The following COL11A1 variants were observed in gnomAD, a reference collection of about 807,000 sequenced individuals.
The protein encoded by COL11A1 is collagen alpha-1(XI) chain.
In COL11A1, 74 loss-of-function variants were observed where a neutral mutation model predicts 265.2. The ratio of observed to expected loss-of-function variants is 0.28; its 90% CI spans 0.23 to 0.34. The LOEUF is 0.34. COL11A1 is among the 10% of genes least tolerant of loss of function. COL11A1 has a pLI of 1.00. For missense variants in COL11A1, 2,165 were observed against 2,263.6 expected (o/e 0.96, Z 0.88); for synonymous variants, 816 against 727.6 (o/e 1.12, Z -1.96).
At chr1:103,061,772 C>A (rs1226721747) in intron 4 of COL11A1, among the ~76,000 whole-genome samples, 1 of 151,828 alleles carries the variant, frequency 6.6e-6, no homozygotes, top group African/African-American at 2.4e-5. Flanking sequence ...GTCTAAGCTT[C>A]TATCCTAAGA....
intron 4 of COL11A1, among the ~76,000 whole-genome samples, chr1:103,048,323 T>A (rs1331484807): frequency 6.6e-6 from 1 of 152,348 alleles, no homozygotes; most frequent in East Asian, 1.9e-4. Context: ...CTTCCTGGTT[T>A]ATTCTTGGGA....
At chr1:103,095,537 G>C (rs1384702593) in intron 1 of COL11A1, among the ~76,000 whole-genome samples, 1 of 151,930 alleles carries the variant, frequency 6.6e-6, no homozygotes, top group African/African-American at 2.4e-5. Flanking sequence ...CTAAGCAAAA[G>C]GAAAAATAAG....
At chr1:103,046,854 A>G (rs1358024285) in intron 4 of COL11A1, among the ~76,000 whole-genome samples, 1 of 151,894 alleles carries the variant, frequency 6.6e-6, no homozygotes, top group African/African-American at 2.4e-5. Flanking sequence ...ACCATTTATT[A>G]AATAGGGAAT....
At chr1:102,921,831 T>A (rs1260865941) in intron 47 of COL11A1, among the ~76,000 whole-genome samples, 5 of 152,230 alleles carry the variant, frequency 3.3e-5, no homozygotes, top group African/African-American at 9.6e-5. Flanking sequence ...ATTGCTACTG[T>A]CTGGTATAAT....
intron 63 of COL11A1, among the ~76,000 whole-genome samples, chr1:102,886,312 C>T (rs753822547): frequency 3.3e-5 from 5 of 152,132 alleles, no homozygotes; most frequent in Admixed American, 1.3e-4. Context: ...ATTAAAGATA[C>T]ATTTTTGCCC....
At position 103,081,489 on chromosome 1, in the gene COL11A1, CAA is replaced by C. The variant is rs1672410134; in HGVS notation, c.274+1314_274+1315del. Among the ~76,000 whole-genome samples, 3 of 151,440 alleles carry C rather than the reference CAA, an allele frequency of 2.0e-5. No homozygotes were observed. In the South Asian group the frequency reaches 6.2e-4, roughly 31 times the overall value. ...ATAATCACTTTAACTTTTTTATTTT[CAA>C]AGTCAGAAAAAAAGTTCATTTTATT... On this transcript the variant is annotated intron_variant, in intron 2 of 66. Transcript: ENST00000370096.
chr1:103,039,766 G>GTTCT (rs1279723308), intron 4 of COL11A1, among the ~76,000 whole-genome samples: 1 of 151,562 alleles, frequency 6.6e-6, no homozygotes, highest in African/African-American at 2.4e-5. Flanking sequence ...TTCGTCTGAA[G>GTTCT]TTCTGTCTTT....
chr1:102,915,571 T>C (rs1655241078), intron 50 of COL11A1, 60 bp downstream of exon 50: 2 of 1,390,738 alleles, frequency 1.4e-6, no homozygotes, highest in South Asian at 2.3e-5. Context: ...ATGTTTGTAA[T>C]GCTGTAAAAG....
intron 1 of COL11A1, among the ~76,000 whole-genome samples, chr1:103,099,282 G>T: frequency 6.6e-6 from 1 of 151,558 alleles, no homozygotes; most frequent in South Asian, 2.1e-4. Context: ...ATCTTATTAA[G>T]CATTTTGAAG....
In COL11A1 at chr1:103,082,879, G is replaced by C; in HGVS notation, c.200C>G (p.Ser67Cys). Residue 67 changes from serine (S) to cysteine (C), a missense_variant, in exon 2 of 67, where the codon TCT becomes TGT. Physicochemically the swap from Ser to Cys is moderately radical, Grantham distance 112 (BLOSUM62 -1). Transcript: ENST00000370096. ...TTGFCTNRKN[S>C]KGSDTAYRVS... ...TCTGTAAGCAGTATCTGAGCCTTTA[G>C]AATTCTTTCTGTTTGTGCAAAATCC... The C allele has an allele frequency of 6.2e-7, 1 of 1,613,604 alleles. No individual in the cohort carries two copies. The highest frequency in any genetic ancestry group is 8.5e-7 in the Non-Finnish European group (1 of 1,179,698).
At chr1:102,987,312 G>A (rs1298305442) in intron 30 of COL11A1, among the ~76,000 whole-genome samples, 2 of 149,700 alleles carry the variant, frequency 1.3e-5, no homozygotes, top group Non-Finnish European at 3.0e-5. Flanking sequence ...CTATCCATAA[G>A]ATATTATATT....
Position 103,078,715 on chromosome 1 carries a change from C to T in COL11A1, c.431G>A (p.Gly144Glu), listed in dbSNP as rs758270590. The change falls in exon 3 of 67, where the codon GGA becomes GAA. Residue 144 changes from glycine (G) to glutamate (E), a missense_variant. By Grantham distance (98) the Gly-to-Glu change is moderately conservative. Coordinates refer to ENST00000370096, the MANE Select transcript of COL11A1 (RefSeq NM_001854.4). ...SPVFLFEDHT[G>E]KPAPEDYPLF... ...GGGATAGTCTTCTGGGGCAGGTTTT[C>T]CAGTGTGGTCTTCAAACAGAAAAAC... 1.2e-6 allele frequency: 2 copies of T among 1,613,450 alleles called. No homozygotes were observed. Among genetic ancestry groups the T allele is most frequent in the South Asian group, 2.2e-5 (2 of 91,072 alleles).
chr1:102,987,486 A>C, intron 30 of COL11A1, 147 bp downstream of exon 30: 1 of 727,606 alleles, frequency 1.4e-6, no homozygotes, highest in Non-Finnish European at 2.4e-6. Flanking sequence ...ACGTAAATGT[A>C]ATGGTTGCAA....
intron 43 of COL11A1, among the ~76,000 whole-genome samples, chr1:102,939,399 A>T (rs528074973): frequency 1.3e-5 from 2 of 152,318 alleles, no homozygotes; most frequent in Non-Finnish European, 2.9e-5. Context: ...CTATAATTAC[A>T]CATTAATCAA....
rs375455188 is a variant in COL11A1, at chr1:103,021,778, T to G, written c.1246-9A>C. 186 of 1,596,946 alleles carry G rather than the reference T, an allele frequency of 1.2e-4. 1 individual carries two copies. The South Asian group carries it at 2.0e-3, about 17-fold the overall frequency. On this transcript the variant is annotated splice_polypyrimidine_tract_variant and intron_variant, in intron 8 of 66. Coordinates refer to ENST00000370096, the MANE Select transcript of COL11A1 (RefSeq NM_001854.4). Reference sequence around the variant, plus strand: ...GCACCATGGCCATTTATCTGTTGAATGAAATATTCAAAACAGCCTAAATGT... The same window carrying G: ...GCACCATGGCCATTTATCTGTTGAAGGAAATATTCAAAACAGCCTAAATGT...
chr1:103,039,055 T>C (rs1668605519), intron 4 of COL11A1, among the ~76,000 whole-genome samples: 2 of 152,138 alleles, frequency 1.3e-5, no homozygotes, highest in Non-Finnish European at 2.9e-5. Flanking sequence ...AATTGGAGGG[T>C]CAATCTCTTA....
chr1:103,035,563 T>G (rs1364666937), intron 4 of COL11A1, among the ~76,000 whole-genome samples: 1 of 152,056 alleles, frequency 6.6e-6, no homozygotes, highest in Non-Finnish European at 1.5e-5. Flanking sequence ...TATTTAATCG[T>G]TTTTAATTCA....
intron 66 of COL11A1, among the ~76,000 whole-genome samples, chr1:102,878,651 C>A (rs916799106): frequency 6.6e-6 from 1 of 151,052 alleles, no homozygotes; most frequent in Non-Finnish European, 1.5e-5. Context: ...GCTGGACCTA[C>A]TGGCATGTGC....
At chr1:103,101,242 G>A (rs1674245066) in intron 1 of COL11A1, among the ~76,000 whole-genome samples, 3 of 151,762 alleles carry the variant, frequency 2.0e-5, no homozygotes, top group South Asian at 2.1e-4. Context: ...CATCCTGAAG[G>A]GCACTCTAAC....
Sources: allele counts gnomAD v4.1 joint callset (sites outside exome capture counted in the v4.1 genomes callset), GRCh38; gene constraint gnomAD v4.1.1; transcripts MANE v1.5; gene names NCBI Gene and HGNC (gene_info 2026-07-23, HGNC 2026-07-21).